RGS6: variants seen among roughly 807,000 people sequenced by gnomAD.
RGS6 encodes the protein regulator of G protein signaling 6.
In RGS6, 30 loss-of-function variants were observed where a neutral mutation model predicts 78.5. The observed-to-expected ratio is 0.38, with a 90% CI of 0.29 to 0.52. RGS6 has a LOEUF of 0.52. Among genes scored for constraint, RGS6 ranks in the 20% least tolerant of loss-of-function variants. RGS6 has a pLI of 0.85. For synonymous variants in RGS6, 206 were observed against 206.0 expected, an observed-to-expected ratio of 1.00 and a Z score of 0.00; for missense variants, 495 against 609.7, an observed-to-expected ratio of 0.81 and a Z score of 1.98.
chr14:72,448,680 G>C (rs1005992345), intron 3 of RGS6, among the ~76,000 whole-genome samples: 1 of 152,114 alleles, frequency 6.6e-6, no homozygotes, highest in African/African-American at 2.4e-5. Flanking sequence ...GCTAATAATA[G>C]TACCAATTAT....
At chr14:72,142,480 CAG>C (rs1441313970) in intron 2 of RGS6, among the ~76,000 whole-genome samples, 9 of 152,218 alleles carry the variant, frequency 5.9e-5, no homozygotes, top group Admixed American at 3.3e-4. Flanking sequence ...GAAAATCACT[CAG>C]AGGAAGTCCC....
chr14:72,001,895 C>CTTTTTTTTTT lies in RGS6; in HGVS notation c.84+37036_84+37045dup, dbSNP rs59274317. 1.3e-3 allele frequency among the ~76,000 whole-genome samples: 116 copies of CTTTTTTTTTT among 92,522 alleles called. 8 individuals are homozygous for CTTTTTTTTTT. The highest frequency in any genetic ancestry group is 4.8e-3 in the African/African-American group (110 of 22,754). The allele number at this position is 92,522 out of a possible 152,430, so 60.7% of individuals were successfully genotyped here. ...TTGAAGTGTTTAGACATCCATTAAT[C>CTTTTTTTTTT]TTTTTTTTTTTTTTTTTTTTTTTTT... is the stretch of plus-strand genomic sequence containing the variant. On this transcript the variant is annotated intron_variant, in intron 2 of 17. Coordinates refer to ENST00000553525, the MANE Select transcript of RGS6 (RefSeq NM_001204424.2).
At chr14:72,312,776 C>G (rs2068975208) in intron 2 of RGS6, among the ~76,000 whole-genome samples, 1 of 152,154 alleles carries the variant, frequency 6.6e-6, no homozygotes, top group African/African-American at 2.4e-5. Flanking sequence ...ACATAAGTAG[C>G]ATTTGGGGAT....
At chr14:71,920,993 T>G in the RGS6 span, among the ~76,000 whole-genome samples, 1 of 152,050 alleles carries the variant, frequency 6.6e-6, no homozygotes, top group Non-Finnish European at 1.5e-5. Flanking sequence ...CCACAATATA[T>G]GTGAAACTCA....
chr14:72,002,734 CAG>C (rs1456950327), intron 2 of RGS6, among the ~76,000 whole-genome samples: 3 of 152,112 alleles, frequency 2.0e-5, no homozygotes, highest in Non-Finnish European at 4.4e-5. Context: ...TCTGGGGAGA[CAG>C]ATTTTTGCAT....
At chr14:71,883,560 G>GA in the RGS6 span, among the ~76,000 whole-genome samples, 1 of 152,152 alleles carries the variant, frequency 6.6e-6, no homozygotes, top group African/African-American at 2.4e-5. Context: ...GTACTATAAG[G>GA]CTGAGACCTA....
intron 13 of RGS6, among the ~76,000 whole-genome samples, chr14:72,502,910 T>A (rs2096747316): frequency 6.6e-6 from 1 of 152,266 alleles, no homozygotes; most frequent in Non-Finnish European, 1.5e-5. Context: ...GACATTGGAT[T>A]ATTTTCTTTT....
At chr14:72,264,574 A>G (rs750865352) in intron 2 of RGS6, among the ~76,000 whole-genome samples, 3 of 152,254 alleles carry the variant, frequency 2.0e-5, no homozygotes, top group South Asian at 4.1e-4. Context: ...GCAACTCTCT[A>G]TTTGTAACAA....
At chr14:71,935,717 CT>C (rs2089021858) in intron 1 of RGS6, among the ~76,000 whole-genome samples, 1 of 151,742 alleles carries the variant, frequency 6.6e-6, no homozygotes, top group Admixed American at 6.6e-5. Flanking sequence ...ACTCCAACTT[CT>C]CCTGTGGCCT....
chr14:71,903,759 G>T, the RGS6 span, among the ~76,000 whole-genome samples: 46 of 152,322 alleles, frequency 3.0e-4, no homozygotes, highest in Middle Eastern at 3.4e-3. Context: ...GACTGTCATT[G>T]CCAATGCATA....
At chr14:72,138,900 T>C (rs1165623861) in intron 2 of RGS6, among the ~76,000 whole-genome samples, 1 of 152,162 alleles carries the variant, frequency 6.6e-6, no homozygotes, top group East Asian at 1.9e-4. Context: ...TACCACCGAT[T>C]TGATACTATG....
chr14:71,935,334 A>G (rs2088904372), intron 1 of RGS6, among the ~76,000 whole-genome samples: 10 of 152,254 alleles, frequency 6.6e-5, no homozygotes, highest in Admixed American at 6.5e-4. Context: ...AGAGGGAGCC[A>G]CTGTTAACAT....
chr14:72,210,828 G>T (rs953562091), intron 2 of RGS6, among the ~76,000 whole-genome samples: 3 of 149,302 alleles, frequency 2.0e-5, no homozygotes, highest in South Asian at 2.2e-4. Context: ...TTTTGTTTTT[G>T]TTTTTTTTTA....
chr14:72,559,767 T>A (rs1161142064), intron 17 of RGS6, among the ~76,000 whole-genome samples: 6 of 152,146 alleles, frequency 3.9e-5, no homozygotes, highest in African/African-American at 7.2e-5. Flanking sequence ...CCACAGGTCC[T>A]TGGAGTCAGA....
the RGS6 span, among the ~76,000 whole-genome samples, chr14:72,616,510 G>C: frequency 6.6e-6 from 1 of 152,182 alleles, no homozygotes; most frequent in Non-Finnish European, 1.5e-5. Flanking sequence ...ATGCACACAA[G>C]AAGGCGGACA....
chr14:72,092,578 C>T (rs2095302356), intron 2 of RGS6, among the ~76,000 whole-genome samples: 1 of 152,192 alleles, frequency 6.6e-6, no homozygotes. Flanking sequence ...AATGGGGTTT[C>T]ACCAGGTTGG....
chr14:72,554,898 G>C (rs1237979566), intron 17 of RGS6, among the ~76,000 whole-genome samples: 4 of 152,194 alleles, frequency 2.6e-5, no homozygotes, highest in Non-Finnish European at 4.4e-5. Flanking sequence ...CTGAGTCCTT[G>C]TCTCTCCCAC....
intron 2 of RGS6, among the ~76,000 whole-genome samples, chr14:71,970,666 G>A (rs547147328): frequency 8.5e-5 from 13 of 152,240 alleles, no homozygotes; most frequent in Non-Finnish European, 1.8e-4. Flanking sequence ...AGAAACTGTC[G>A]AATCAGGAAA....
chr14:72,113,120 CT>C (rs2095809401), intron 2 of RGS6, among the ~76,000 whole-genome samples: 2 of 152,040 alleles, frequency 1.3e-5, no homozygotes, highest in African/African-American at 2.4e-5. Flanking sequence ...ACACACCCCA[CT>C]TCATGCTTAG....
Sources: gnomAD v4.1 joint callset for allele counts (sites outside exome capture counted in the v4.1 genomes callset) on GRCh38, gnomAD v4.1.1 for gene constraint, MANE v1.5 for transcripts, NCBI Gene and HGNC (gene_info 2026-07-23, HGNC 2026-07-21) for gene names.